Variants in RASGRF1 observed in about 807,000 individuals in gnomAD.
The protein encoded by RASGRF1 is ras-specific guanine nucleotide-releasing factor 1.
A neutral mutation model predicts 138.7 loss-of-function variants in RASGRF1; 40 were observed. The observed-to-expected ratio is 0.29, with a 90% confidence interval of 0.22 to 0.38. The LOEUF is 0.38. Ranked by LOEUF, RASGRF1 falls within the 10% of genes least tolerant of loss-of-function variation. The probability of loss-of-function intolerance (pLI) is 1.00; values close to 1 mark genes in which losing one functional copy is unlikely to be tolerated. For missense variants in RASGRF1, 1,108 were observed against 1,650.4 expected, an observed-to-expected ratio of 0.67 and a Z score of 5.69; for synonymous variants, 614 against 663.2, an observed-to-expected ratio of 0.93 and a Z score of 1.14.
intron 26 of RASGRF1, among the ~76,000 whole-genome samples, chr15:78,965,985 G>C (rs1409329282): frequency 2.0e-5 from 3 of 152,188 alleles, no homozygotes; most frequent in Non-Finnish European, 4.4e-5. Flanking sequence ...CTGGGTGGAG[G>C]CTGGTTGGTG....
At chr15:79,035,060 T>G in intron 6 of RASGRF1, 71 bp downstream of exon 6, 1 of 1,348,552 alleles carries the variant, frequency 7.4e-7, no homozygotes, top group Non-Finnish European at 1.0e-6. Context: ...AGGACAAAAC[T>G]GCCCCAGGCT....
intron 21 of RASGRF1, among the ~76,000 whole-genome samples, 160 bp downstream of exon 21, chr15:78,991,531 G>A (rs1451187398): frequency 6.6e-6 from 1 of 152,168 alleles, no homozygotes; most frequent in East Asian, 1.9e-4. Context: ...GCAGGAACGG[G>A]AACAGGCTTC....
Position 78,979,278 on chromosome 15 carries a change from G to A in RASGRF1, c.3494+1342C>T, listed in dbSNP as rs569626846. On this transcript the variant is annotated intron_variant, in intron 24 of 26. Transcript: ENST00000558480. ...AGCTGGCAAAGGACAGACCAAATGC[G>A]GCAGGAAGAAAACGCAAAGAGGAGG... is the stretch of plus-strand genomic sequence containing the variant. The A allele has an allele frequency of 3.2e-5, 34 of 1,054,994 alleles. No individual in the cohort carries two copies. The South Asian group carries it at 3.6e-4, about 11-fold the overall frequency. 65.4% of individuals were successfully genotyped at this position (1,054,994 alleles called of 1,614,324 possible). A position where few individuals can be genotyped will look rare whatever the true frequency, so the allele number is the denominator to read the frequency against.
At chr15:79,031,586 G>T in intron 7 of RASGRF1, 77 bp from the exon 8 acceptor site, 1 of 829,360 alleles carries the variant, frequency 1.2e-6, no homozygotes, top group Non-Finnish European at 2.0e-6. Flanking sequence ...GGGGCAGACA[G>T]GGAGTGAGCA....
intron 1 of RASGRF1, among the ~76,000 whole-genome samples, chr15:79,077,040 T>C (rs1246763043): frequency 6.6e-6 from 1 of 152,192 alleles, no homozygotes; most frequent in South Asian, 2.1e-4. Context: ...GACTGGTTTT[T>C]CATGAAAGCC....
At chr15:79,074,541 C>G (rs2141086466) in intron 1 of RASGRF1, among the ~76,000 whole-genome samples, 1 of 152,320 alleles carries the variant, frequency 6.6e-6, no homozygotes, top group Admixed American at 6.5e-5. Context: ...CCCAGGTCCA[C>G]TACCACACCT....
At position 79,049,579 on chromosome 15, in the gene RASGRF1, G is replaced by T. The variant is rs917731755; in HGVS notation, c.541C>A (p.Leu181Met). 9 of 1,613,186 alleles carry T rather than the reference G, an allele frequency of 5.6e-6. No homozygotes were observed. In the Admixed American group the frequency reaches 8.3e-5, roughly 15 times the overall value. Residue 181 changes from leucine to methionine, a missense_variant, in exon 4 of 27, where the codon CTG becomes ATG. Physicochemically the swap from Leu to Met is conservative, Grantham distance 15. This residue lies in a region of RASGRF1 where 253 missense variants were observed against 329.5 expected (regional missense o/e 0.77). Transcript: ENST00000558480. ...TGGATGCGCTCATTGTCCTTGAGCAGGGATGTGATCTGCAACAGCAACACA... is the reference window on the plus strand; with the variant it reads ...TGGATGCGCTCATTGTCCTTGAGCATGGATGTGATCTGCAACAGCAACACA... ...IERLKAEITS[L>M]LKDNERIQST...
chr15:79,029,481 G>T (rs1397320590), intron 8 of RASGRF1, among the ~76,000 whole-genome samples: 3 of 152,174 alleles, frequency 2.0e-5, no homozygotes, highest in African/African-American at 7.2e-5. Flanking sequence ...CCAGGTGGGG[G>T]TCTGTGTTTG....
chr15:78,997,936 C>G, intron 19 of RASGRF1, 160 bp downstream of exon 19: 1 of 622,950 alleles, frequency 1.6e-6, no homozygotes, highest in East Asian at 2.8e-5. Flanking sequence ...CCTGAGCCTG[C>G]CCCCAAGAGC....
At chr15:79,013,519 C>T (rs117369952) in intron 13 of RASGRF1, among the ~76,000 whole-genome samples, 1,646 of 152,354 alleles carry the variant, frequency 0.011, 19 homozygotes, top group Middle Eastern at 0.02. Flanking sequence ...CTGCATTAAA[C>T]GCATTACATC....
At chr15:79,072,265 A>ATTTTTTTTTTTTTTT (rs1567614777) in intron 1 of RASGRF1, among the ~76,000 whole-genome samples, 5 of 46,646 alleles carry the variant, frequency 1.1e-4, no homozygotes, top group Admixed American at 8.2e-4. Context: ...TTGATAAACA[A>ATTTTTTTTTTTTTTT]TCTTTTTTTT....
At chr15:79,089,062 A>G (rs1296177703) in intron 1 of RASGRF1, among the ~76,000 whole-genome samples, 1 of 152,180 alleles carries the variant, frequency 6.6e-6, no homozygotes, top group South Asian at 2.1e-4. Flanking sequence ...ATTTCAACCA[A>G]TTCAATCACC....
At chr15:79,039,231 G>A (rs1255015969) in intron 5 of RASGRF1, among the ~76,000 whole-genome samples, 1 of 146,370 alleles carries the variant, frequency 6.8e-6, no homozygotes, top group Non-Finnish European at 1.5e-5. Flanking sequence ...AGGAGGCAGA[G>A]GCTGGCAGTG....
At chr15:78,991,875 G>T in intron 20 of RASGRF1, 81 bp from the exon 21 acceptor site, 2 of 1,142,194 alleles carry the variant, frequency 1.8e-6, no homozygotes, top group Non-Finnish European at 1.3e-6. Context: ...CTCTGTGGGG[G>T]TATCTCGCCC....
rs1235053281 is a variant in RASGRF1, at chr15:79,008,406, G to A, written c.1827-1972C>T. 3.3e-5 allele frequency among the ~76,000 whole-genome samples: 5 copies of A among 152,192 alleles called. No homozygotes were observed. In the South Asian group the frequency reaches 1.0e-3, roughly 31 times the overall value. ...AAAAAGAGAGCATTCCAAAGAAACC[G>A]AGGAAATGCTGCCTTCTAAGTTAGC... On this transcript the variant is annotated intron_variant, in intron 13 of 26. Coordinates refer to ENST00000558480, the MANE Select transcript of RASGRF1 (RefSeq NM_001145648.3).
chr15:79,010,702 G>T (rs1478794071), intron 13 of RASGRF1, among the ~76,000 whole-genome samples: 3 of 152,224 alleles, frequency 2.0e-5, no homozygotes, highest in Non-Finnish European at 4.4e-5. Context: ...AAGGGTAAAG[G>T]ACTTTCTCTT....
At chr15:79,033,581 CTTTTTT>C (rs71148586) in intron 6 of RASGRF1, among the ~76,000 whole-genome samples, 58 of 93,960 alleles carry the variant, frequency 6.2e-4, no homozygotes, top group East Asian at 3.6e-3. Flanking sequence ...TTTTTCTTTT[CTTTTTT>C]TTTTTTTTTT....
At chr15:79,086,372 A>C (rs1463904523) in intron 1 of RASGRF1, among the ~76,000 whole-genome samples, 1 of 152,190 alleles carries the variant, frequency 6.6e-6, no homozygotes, top group African/African-American at 2.4e-5. Flanking sequence ...AACGCATCTC[A>C]TTTCTGCCAT....
intron 20 of RASGRF1, among the ~76,000 whole-genome samples, chr15:78,993,997 C>T (rs924840480): frequency 6.6e-6 from 1 of 152,196 alleles, no homozygotes; most frequent in Admixed American, 6.5e-5. Context: ...CCCACACAGG[C>T]TCTGGGGACA....
Sources: gnomAD v4.1 joint callset for allele counts (sites outside exome capture counted in the v4.1 genomes callset) on GRCh38, gnomAD v4.1.1 for gene constraint, gnomAD v4.1.1 regional missense constraint, MANE v1.5 for transcripts, NCBI Gene and HGNC (gene_info 2026-07-23, HGNC 2026-07-21) for gene names.